TRIM51G: variants seen among roughly 807,000 people sequenced by gnomAD.
The protein encoded by TRIM51G is tripartite motif-containing protein 51G.
At chr11:48,983,466 T>TGC in the TRIM51G span, among the ~76,000 whole-genome samples, 1 of 152,094 alleles carries the variant, frequency 6.6e-6, no homozygotes, top group South Asian at 2.1e-4. Flanking sequence ...AGTACACATA[T>TGC]ATAGGTTTTA....
chr11:48,980,292 C>T, the TRIM51G span, among the ~76,000 whole-genome samples: 1 of 152,172 alleles, frequency 6.6e-6, no homozygotes, highest in Non-Finnish European at 1.5e-5. Context: ...TAGAATTCTT[C>T]TCAAGTCCTT....
chr11:48,979,837 G>T, the TRIM51G span, among the ~76,000 whole-genome samples: 2 of 142,176 alleles, frequency 1.4e-5, no homozygotes, highest in African/African-American at 2.5e-5. Context: ...CTGACACCCA[G>T]ATACACATAT....
chr11:48,980,829 G>A, the TRIM51G span: 6 of 433,678 alleles, frequency 1.4e-5, no homozygotes, highest in Non-Finnish European at 2.3e-5. Context: ...TATGGGTTGA[G>A]ATCAAGTTCC....
At chr11:48,979,015 C>A in the TRIM51G span, 1 of 1,226,138 alleles carries the variant, frequency 8.2e-7, no homozygotes, top group African/African-American at 1.5e-5. Flanking sequence ...TGCAGCCTCT[C>A]CAAGTGACGT....
chr11:48,978,153 C>G, the TRIM51G span: 2 of 529,596 alleles, frequency 3.8e-6, no homozygotes, highest in African/African-American at 3.9e-5. Flanking sequence ...TAATATGTCT[C>G]CAAAAGACTG....
chr11:48,981,850 T>G, the TRIM51G span, among the ~76,000 whole-genome samples: 2 of 152,146 alleles, frequency 1.3e-5, no homozygotes, highest in African/African-American at 4.8e-5. Flanking sequence ...GAAAAATTCA[T>G]ACACAAAGAG....
chr11:48,975,999 T>A, the TRIM51G span: 1 of 613,242 alleles, frequency 1.6e-6, no homozygotes, highest in Non-Finnish European at 3.0e-6. Context: ...TAAGATAAAC[T>A]GCAAAAATAA....
chr11:48,981,438 A>T, the TRIM51G span: 3 of 1,607,728 alleles, frequency 1.9e-6, no homozygotes, highest in African/African-American at 4.0e-5. Context: ...CCTCAGAGCT[A>T]AGGAATTGCC....
chr11:48,982,378 G>A, the TRIM51G span, among the ~76,000 whole-genome samples: 1 of 152,102 alleles, frequency 6.6e-6, no homozygotes, highest in African/African-American at 2.4e-5. Context: ...TTATATTACT[G>A]TGGTATTACA....
chr11:48,979,213 T>A, the TRIM51G span: 5 of 564,866 alleles, frequency 8.9e-6, no homozygotes, highest in Non-Finnish European at 1.7e-5. Flanking sequence ...ATCTTGTCAA[T>A]TCTCAGATTC....
At chr11:48,978,792 G>A in the TRIM51G span, 1 of 690,168 alleles carries the variant, frequency 1.4e-6, no homozygotes, top group Non-Finnish European at 2.7e-6. Context: ...AAGTAAAGGG[G>A]GAGACGGATT....
chr11:48,981,731 G>A, the TRIM51G span: 2 of 1,581,524 alleles, frequency 1.3e-6, no homozygotes, highest in East Asian at 4.5e-5. Context: ...GTCATTTTGG[G>A]TTCTGGGTTG....
the TRIM51G span, among the ~76,000 whole-genome samples, chr11:48,979,815 A>AT: frequency 6.8e-6 from 1 of 146,580 alleles, no homozygotes; most frequent in African/African-American, 2.5e-5. Context: ...ATATATATAT[A>AT]ATATATATAC....
At chr11:48,977,391 C>T in the TRIM51G span, among the ~76,000 whole-genome samples, 8 of 152,218 alleles carry the variant, frequency 5.3e-5, no homozygotes, top group Middle Eastern at 3.4e-3. Context: ...AGAATTTATT[C>T]GGATCTTTCT....
At chr11:48,980,899 T>C in the TRIM51G span, 1 of 485,544 alleles carries the variant, frequency 2.1e-6, no homozygotes, top group African/African-American at 2.0e-5. Flanking sequence ...AGTAACACAC[T>C]ACTAACCTTC....
the TRIM51G span, chr11:48,979,199 C>T: frequency 3.2e-6 from 2 of 615,802 alleles, no homozygotes; most frequent in Admixed American, 2.2e-5. Context: ...TATTTTAATC[C>T]TCGATCTTGT....
At chr11:48,981,072 G>A in the TRIM51G span, 3 of 814,622 alleles carry the variant, frequency 3.7e-6, no homozygotes, top group Admixed American at 7.1e-5. Flanking sequence ...ATATACGAAG[G>A]ACCCAAAATG....
At chr11:48,983,510 T>C in the TRIM51G span, among the ~76,000 whole-genome samples, 4 of 152,014 alleles carry the variant, frequency 2.6e-5, no homozygotes, top group African/African-American at 9.7e-5. Context: ...TGCATACAAA[T>C]CTATTGCAGC....
chr11:48,977,812 G>T, the TRIM51G span, among the ~76,000 whole-genome samples: 1 of 151,976 alleles, frequency 6.6e-6, no homozygotes, highest in East Asian at 1.9e-4. Context: ...AAATATGAAG[G>T]CTTTTGAGCA....
Sources: allele counts gnomAD v4.1 joint callset (sites outside exome capture counted in the v4.1 genomes callset), GRCh38; gene constraint gnomAD v4.1.1; transcripts MANE v1.5; gene names NCBI Gene and HGNC (gene_info 2026-07-23, HGNC 2026-07-21).